The following POLA2 variants were observed in gnomAD, a reference collection of about 807,000 sequenced individuals.
The protein encoded by POLA2 is DNA polymerase alpha subunit B.
POLA2 carries 47 observed loss-of-function variants against 82.8 expected under a neutral mutation model. The ratio of observed to expected loss-of-function variants is 0.57; its 90% confidence interval spans 0.45 to 0.72. POLA2 has a LOEUF of 0.72. POLA2 is among the 30% of genes least tolerant of loss of function. POLA2 has a pLI of 0.00. For missense variants in POLA2, 634 were observed against 728.1 expected, an observed-to-expected ratio of 0.87 and a Z score of 1.49; for synonymous variants, 287 against 286.8, an observed-to-expected ratio of 1.00 and a Z score of -0.01.
At chr11:65,294,879 A>G in intron 15 of POLA2, 1 of 406,688 alleles carries the variant, frequency 2.5e-6, no homozygotes, top group East Asian at 3.7e-5. Context: ...GAGACCCCAA[A>G]GAACCACGTC....
downstream of POLA2, among the ~76,000 whole-genome samples, chr11:65,300,033 T>G (rs1168968198): frequency 1.3e-5 from 2 of 152,136 alleles, no homozygotes; most frequent in African/African-American, 4.8e-5. Flanking sequence ...TTCATGGTGT[T>G]GTGCAGGCCT....
intron 4 of POLA2, among the ~76,000 whole-genome samples, chr11:65,273,571 C>T (rs1949544643): frequency 6.6e-6 from 1 of 151,990 alleles, no homozygotes; most frequent in South Asian, 2.1e-4. Flanking sequence ...CAACACTGGC[C>T]GTGGAGTGTT....
chr11:65,262,379 C>G lies in POLA2; in HGVS notation c.79+8C>G. 6.2e-7 allele frequency: 1 copy of G among 1,607,978 alleles called. No individual in the cohort carries two copies. Among genetic ancestry groups the G allele is most frequent in the Non-Finnish European group, 8.5e-7 (1 of 1,176,152 alleles). On this transcript the variant is annotated splice_region_variant and intron_variant, in intron 1 of 17. Coordinates refer to ENST00000265465, the MANE Select transcript of POLA2 (RefSeq NM_002689.4). ...AGGCTCTAATTGAGAAATGTGAGTC[C>G]CGCACCCCTCCCGCCCTGCAGCCGT...
intron 4 of POLA2, among the ~76,000 whole-genome samples, chr11:65,274,049 G>A (rs987406334): frequency 6.6e-6 from 1 of 152,140 alleles, no homozygotes; most frequent in Non-Finnish European, 1.5e-5. Context: ...ATCATTGTAG[G>A]TCAGTTTAAT....
At chr11:65,264,471 C>T (rs953696770) in intron 1 of POLA2, among the ~76,000 whole-genome samples, 1 of 152,212 alleles carries the variant, frequency 6.6e-6, no homozygotes, top group Non-Finnish European at 1.5e-5. Flanking sequence ...TCCCAAAGTG[C>T]TGGGATTACA....
intron 10 of POLA2, among the ~76,000 whole-genome samples, chr11:65,287,040 C>A (rs1949704510): frequency 6.6e-6 from 1 of 152,118 alleles, no homozygotes; most frequent in South Asian, 2.1e-4. Context: ...GATTGCAGAC[C>A]CTGGGAGGAG....
chr11:65,264,613 G>A (rs2137484419), intron 1 of POLA2, among the ~76,000 whole-genome samples: 1 of 152,294 alleles, frequency 6.6e-6, no homozygotes, highest in East Asian at 1.9e-4. Flanking sequence ...AAATGTAGAA[G>A]CATTAGAAAA....
At chr11:65,287,665 C>T in intron 10 of POLA2, 51 bp from the exon 11 acceptor site, 1 of 1,526,758 alleles carries the variant, frequency 6.5e-7, no homozygotes, top group Non-Finnish European at 9.0e-7. Context: ...TCTCCTCCCA[C>T]CATTCTAATA....
At chr11:65,292,171 G>T (rs1411736271) in intron 13 of POLA2, among the ~76,000 whole-genome samples, 1 of 152,172 alleles carries the variant, frequency 6.6e-6, no homozygotes, top group Non-Finnish European at 1.5e-5. Flanking sequence ...AGGAGGTAGA[G>T]GTTGCAATGA....
intron 17 of POLA2, chr11:65,296,441 A>G (rs1319925717): frequency 5.8e-6 from 1 of 173,258 alleles, no homozygotes; most frequent in Non-Finnish European, 1.3e-5. Context: ...GGTCCCTTAC[A>G]AGGAATCTGC....
chr11:65,287,416 A>G (rs1949708312), intron 10 of POLA2, among the ~76,000 whole-genome samples: 1 of 152,108 alleles, frequency 6.6e-6, no homozygotes, highest in African/African-American at 2.4e-5. Flanking sequence ...GTGTTAGCAA[A>G]TTCCACCTTG....
chr11:65,261,999 T>G lies in POLA2; in HGVS notation c.-294T>G. 2 of 468,172 alleles carry G rather than the reference T, an allele frequency of 4.3e-6. No individual in the cohort carries two copies. Among genetic ancestry groups the G allele is most frequent in the Admixed American group, 4.0e-5 (1 of 25,036 alleles). 29.0% of individuals were successfully genotyped at this position (468,172 alleles called of 1,614,324 possible). A position where few individuals can be genotyped will look rare whatever the true frequency, so the allele number is the denominator to read the frequency against. The stretch of plus-strand genomic sequence containing the variant: ...GTCACTGAGAAGCTCAGCGGTAGCT[T>G]TTGGGAAGCAGGACGTTCTCACCAG... On this transcript the variant is annotated 5_prime_UTR_variant, in exon 1 of 18. Coordinates refer to ENST00000265465, the MANE Select transcript of POLA2 (RefSeq NM_002689.4).
intron 13 of POLA2, among the ~76,000 whole-genome samples, chr11:65,292,422 G>T (rs1464821097): frequency 1.3e-5 from 2 of 152,202 alleles, no homozygotes; most frequent in Non-Finnish European, 2.9e-5. Context: ...CCATGAGCAG[G>T]AAGGCTATTT....
rs769689580 is a variant in POLA2, at chr11:65,294,138, CT to C, written c.1245-11del. 4 of 1,607,436 alleles carry C rather than the reference CT, an allele frequency of 2.5e-6. No individual in the cohort carries two copies. The highest frequency in any genetic ancestry group is 3.4e-6 in the Non-Finnish European group (4 of 1,174,032). ...CACTTTTCTCACTCTTCTGTTTGTT[CT>C]TTTGCCATACTAGCTCCGGCTCCCA... On this transcript the variant is annotated splice_polypyrimidine_tract_variant and intron_variant, in intron 13 of 17. Coordinates refer to ENST00000265465, the MANE Select transcript of POLA2 (RefSeq NM_002689.4).
In POLA2 at chr11:65,294,563, C is replaced by T. The variant is rs777996877; in HGVS notation, c.1371C>T (p.Ser457=). Residue 457 remains serine (S), a synonymous_variant, in exon 15 of 18, where the codon TCC becomes TCT. Transcript: ENST00000265465. ...CATTTTAGCAAGTACAGTTTGTGTC[C>T]GAGCCCTGCAGCCTCTCCATAAACG... ...REDKKQVQFV[S]EPCSLSINGV... The T allele has an allele frequency of 2.9e-5, 46 of 1,612,930 alleles. 2 individuals are homozygous for T. In the South Asian group the frequency reaches 3.4e-4, roughly 12 times the overall value.
At chr11:65,301,991 C>T (rs1031957489), downstream of POLA2, among the ~76,000 whole-genome samples, 1 of 152,208 alleles carries the variant, frequency 6.6e-6, no homozygotes, top group Admixed American at 6.5e-5. Flanking sequence ...CCTGCCCCGC[C>T]TCTTCCCGGG....
chr11:65,275,509 C>T (rs1202217938), intron 4 of POLA2, among the ~76,000 whole-genome samples: 1 of 152,152 alleles, frequency 6.6e-6, no homozygotes, highest in East Asian at 1.9e-4. Context: ...TGTCCCATTC[C>T]TTCTCAGGAA....
At chr11:65,281,856 T>C (rs1232105946) in intron 9 of POLA2, 124 bp downstream of exon 9, 1 of 790,172 alleles carries the variant, frequency 1.3e-6, no homozygotes, top group Non-Finnish European at 2.2e-6. Flanking sequence ...TCTCCATCTG[T>C]AAGTGGGAAC....
At chr11:65,290,765 C>A (rs1171007754) in intron 13 of POLA2, among the ~76,000 whole-genome samples, 1 of 152,152 alleles carries the variant, frequency 6.6e-6, no homozygotes, top group African/African-American at 2.4e-5. Flanking sequence ...GGGAATCTTC[C>A]CAGGATGGTT....
Sources: gnomAD v4.1 joint callset for allele counts (sites outside exome capture counted in the v4.1 genomes callset) on GRCh38, gnomAD v4.1.1 for gene constraint, MANE v1.5 for transcripts, NCBI Gene and HGNC (gene_info 2026-07-23, HGNC 2026-07-21) for gene names.